Variants in FAM91A1 observed in about 807,000 individuals in gnomAD.
The protein encoded by FAM91A1 is family with sequence similarity 91 member A1.
In FAM91A1, 41 loss-of-function variants were observed where a neutral mutation model predicts 113.5. That is an observed-to-expected ratio of 0.36 (90% confidence interval 0.28 to 0.47). FAM91A1 has a LOEUF of 0.47. Ranked by LOEUF, FAM91A1 falls within the 20% of genes least tolerant of loss-of-function variation. The pLI, the probability that FAM91A1 is intolerant of heterozygous loss-of-function variation, is 1.00. For synonymous variants in FAM91A1, 307 were observed against 347.9 expected, an observed-to-expected ratio of 0.88 and a Z score of 1.31; for missense variants, 696 against 1,001.2, an observed-to-expected ratio of 0.70 and a Z score of 4.11.
At chr8:123,770,076 C>T (rs1482416373) in intron 1 of FAM91A1, among the ~76,000 whole-genome samples, 1 of 152,162 alleles carries the variant, frequency 6.6e-6, no homozygotes, top group East Asian at 1.9e-4. Flanking sequence ...CCTCAGCCTC[C>T]CGAGTAGCTG....
At chr8:123,810,980 A>T (rs1032349538) in intron 23 of FAM91A1, 9 of 152,344 alleles carry the variant, frequency 5.9e-5, no homozygotes, top group African/African-American at 2.2e-4. Context: ...GGAGACAATA[A>T]TCAGATAAAT....
chr8:123,784,507 A>C lies in FAM91A1; in HGVS notation c.741A>C (p.Gln247His). 1 of 1,607,322 alleles carries C rather than the reference A, an allele frequency of 6.2e-7. No individual in the cohort carries two copies. The highest frequency in any genetic ancestry group is 8.5e-7 in the Non-Finnish European group (1 of 1,177,596). Reference protein sequence around the residue: ...PLEGFVMNRVQGDYFETLLYK... With the variant: ...PLEGFVMNRVHGDYFETLLYK... Reference sequence around the variant, plus strand: ...AAGGTTTTGTAATGAATCGAGTGCAAGGTGATTATTTTGAAACTCTACTCT... The same window carrying C: ...AAGGTTTTGTAATGAATCGAGTGCACGGTGATTATTTTGAAACTCTACTCT... Residue 247 changes from glutamine (Q) to histidine (H), a missense_variant, in exon 9 of 24, where the codon CAA becomes CAC. By Grantham distance (24) the Gln-to-His change is conservative. Coordinates refer to ENST00000334705, the MANE Select transcript of FAM91A1 (RefSeq NM_144963.4).
At chr8:123,786,266 A>C in intron 11 of FAM91A1, 2 of 469,214 alleles carry the variant, frequency 4.3e-6, no homozygotes, top group Non-Finnish European at 7.6e-6. Flanking sequence ...AATATTTTAC[A>C]TAAAATCTTG....
chr8:123,798,279 G>C, intron 16 of FAM91A1, 41 bp downstream of exon 16: 1 of 1,592,600 alleles, frequency 6.3e-7, no homozygotes, highest in Non-Finnish European at 8.5e-7. Context: ...AGTGTCATGA[G>C]TCCCATCAGT....
rs115528242 is a variant in FAM91A1 at position 123,801,902 on chromosome 8, A to G, written c.1809+2017A>G. On this transcript the variant is annotated intron_variant, in intron 18 of 23. Transcript: ENST00000334705. ...GTTAGTGTTTGTGGAATAAATAAAT[A>G]AGAATATGAAGTGACATAACATGCC... Among the ~76,000 whole-genome samples, 951 of 152,186 alleles carry G rather than the reference A, an allele frequency of 6.2e-3. 7 individuals are homozygous for G. Among genetic ancestry groups the G allele is most frequent in the African/African-American group, 0.022 (898 of 41,506 alleles).
At chr8:123,785,975 G>A (rs974038325) in intron 11 of FAM91A1, 11 of 460,904 alleles carry the variant, frequency 2.4e-5, no homozygotes, top group Non-Finnish European at 4.5e-5. Flanking sequence ...GCACCACCAT[G>A]CCCAGCTAAT....
chr8:123,812,070 A>C (rs1815969873), intron 23 of FAM91A1: 1 of 152,108 alleles, frequency 6.6e-6, no homozygotes, highest in Non-Finnish European at 1.5e-5. Flanking sequence ...AAGAGGTTTC[A>C]CCATGTTGGC....
In FAM91A1 at chr8:123,768,630, TG is replaced by T. The variant is rs1157763727; in HGVS notation, c.-72del. ...CTCCCGCGTCGCTCCGCTGACAGGC[TG>T]CGGGCGGGCAGGCGGGAGGCGTAGT... On this transcript the variant is annotated 5_prime_UTR_variant, in exon 1 of 24. Coordinates refer to ENST00000334705, the MANE Select transcript of FAM91A1 (RefSeq NM_144963.4). 3.6e-5 allele frequency: 49 copies of T among 1,370,370 alleles called. No individual in the cohort carries two copies. Among genetic ancestry groups the T allele is most frequent in the Non-Finnish European group, 4.8e-5 (48 of 1,005,608 alleles). The allele number at this position is 1,370,370 out of a possible 1,614,324, so 84.9% of individuals were successfully genotyped here.
rs150475046 is a variant in FAM91A1 at position 123,787,653 on chromosome 8, C to CT, written c.1192-4dup. On this transcript the variant is annotated splice_polypyrimidine_tract_variant and intron_variant, in intron 13 of 23. Coordinates refer to ENST00000334705, the MANE Select transcript of FAM91A1 (RefSeq NM_144963.4). ...GAAGTAGAACTTTAATATTTTGTTTCTTTTTTTCAGAACTTGAAAAGTCAT... is the reference window on the plus strand; with the variant it reads ...GAAGTAGAACTTTAATATTTTGTTTCTTTTTTTTCAGAACTTGAAAAGTCAT... 50,618 of 1,604,096 alleles carry CT rather than the reference C, an allele frequency of 0.032. 940 individuals are homozygous for CT. Among genetic ancestry groups the CT allele is most frequent in the African/African-American group, 0.042 (3,159 of 74,410 alleles).
In FAM91A1 at chr8:123,806,196, G is replaced by C. The variant is rs1815805042; in HGVS notation, c.1999G>C (p.Asp667His). The change falls in exon 20 of 24, where the codon GAT (aspartate) becomes CAT (histidine). Residue 667 changes from aspartate to histidine, a missense_variant. By Grantham distance (81) the Asp-to-His change is moderately conservative (BLOSUM62 -1). Transcript: ENST00000334705. ...TMLNASSQLA[D>H]RKLSDASDER... ...GTTGAATGCTTCCAGCCAACTTGCAGATAGAAAACTCAGTGATGCTTCTGA... is the reference window on the plus strand; with the variant it reads ...GTTGAATGCTTCCAGCCAACTTGCACATAGAAAACTCAGTGATGCTTCTGA... The C allele has an allele frequency of 6.2e-7, 1 of 1,613,334 alleles. No homozygotes were observed. Among genetic ancestry groups the C allele is most frequent in the Non-Finnish European group, 8.5e-7 (1 of 1,179,520 alleles).
chr8:123,784,341 G>A lies in FAM91A1; in HGVS notation c.704-129G>A, dbSNP rs1029839882. On this transcript the variant is annotated intron_variant, in intron 8 of 23. Coordinates refer to ENST00000334705, the MANE Select transcript of FAM91A1 (RefSeq NM_144963.4). ...GTTTCAGAAAACTTGCTATGGAGTGGATAAATAAATCAAAAGCTGCATTCA... is the reference window on the plus strand; with the variant it reads ...GTTTCAGAAAACTTGCTATGGAGTGAATAAATAAATCAAAAGCTGCATTCA... 8.3e-6 allele frequency: 5 copies of A among 603,460 alleles called. No individual in the cohort carries two copies. The African/African-American group carries it at 9.9e-5, about 12-fold the overall frequency. 37.4% of individuals were successfully genotyped at this position (603,460 alleles called of 1,614,324 possible).
At position 123,774,185 on chromosome 8, in the gene FAM91A1, A is replaced by G. The variant is rs576120259; in HGVS notation, c.157+21A>G. On this transcript the variant is annotated intron_variant, in intron 2 of 23. Coordinates refer to ENST00000334705, the MANE Select transcript of FAM91A1 (RefSeq NM_144963.4). ...CTTAGGTAAGTAGAGCCATGTTTAT[A>G]TTGGGGTGGAACTGACCACTACTCT... 6 of 1,572,036 alleles carry G rather than the reference A, an allele frequency of 3.8e-6. No individual in the cohort carries two copies. In the South Asian group the frequency reaches 5.7e-5, roughly 15 times the overall value.
At chr8:123,773,928 A>C (rs1370675063) in intron 1 of FAM91A1, 152 bp from the exon 2 acceptor site, 1 of 591,370 alleles carries the variant, frequency 1.7e-6, no homozygotes, top group Non-Finnish European at 2.9e-6. Flanking sequence ...AGTTAGTATA[A>C]TAACATTTAA....
chr8:123,783,664 C>T (rs978941949), intron 8 of FAM91A1, among the ~76,000 whole-genome samples: 2 of 152,210 alleles, frequency 1.3e-5, no homozygotes, highest in African/African-American at 4.8e-5. Flanking sequence ...AGGCATTCCT[C>T]CTTCTCAGGA....
chr8:123,774,288 C>T (rs1814927744), intron 2 of FAM91A1, 124 bp downstream of exon 2: 3 of 636,158 alleles, frequency 4.7e-6, no homozygotes, highest in Non-Finnish European at 2.6e-6. Flanking sequence ...TTAAGAAACT[C>T]TACACTGATC....
chr8:123,787,187 G>A (rs1815279059), intron 12 of FAM91A1, 74 bp from the exon 13 acceptor site: 1 of 1,142,528 alleles, frequency 8.8e-7, no homozygotes, highest in Admixed American at 2.0e-5. Context: ...AAGCTGAAAT[G>A]AAATACTTTC....
At chr8:123,786,069 T>G in intron 11 of FAM91A1, 1 of 349,322 alleles carries the variant, frequency 2.9e-6, no homozygotes, top group Non-Finnish European at 5.6e-6. Flanking sequence ...TCCACCCACC[T>G]TGGCCTTCCA....
chr8:123,774,233 TTCAA>T, intron 2 of FAM91A1, 69 bp downstream of exon 2: 1 of 1,238,354 alleles, frequency 8.1e-7, no homozygotes, highest in Non-Finnish European at 1.1e-6. Context: ...AATCTTTCTT[TTCAA>T]TACATATTTC....
Position 123,768,651 on chromosome 8 carries a change from C to G in FAM91A1, c.-52C>G. On this transcript the variant is annotated 5_prime_UTR_variant, in exon 1 of 24. Transcript: ENST00000334705. The stretch of plus-strand genomic sequence containing the variant: ...AGGCTGCGGGCGGGCAGGCGGGAGG[C>G]GTAGTGTGGGTCGCGGTGGCGGCCC... 1 of 1,490,922 alleles carries G rather than the reference C, an allele frequency of 6.7e-7. No individual in the cohort carries two copies. The highest frequency in any genetic ancestry group is 9.1e-7 in the Non-Finnish European group (1 of 1,096,056). 92.4% of individuals were successfully genotyped at this position (1,490,922 alleles called of 1,614,324 possible). A position where few individuals can be genotyped will look rare whatever the true frequency, so the allele number is the denominator to read the frequency against.
Sources: gnomAD v4.1 joint callset for allele counts (sites outside exome capture counted in the v4.1 genomes callset) on GRCh38, gnomAD v4.1.1 for gene constraint, MANE v1.5 for transcripts, NCBI Gene and HGNC (gene_info 2026-07-23, HGNC 2026-07-21) for gene names.